Variants in MYT1L observed in about 807,000 individuals in gnomAD.
MYT1L encodes myelin transcription factor 1-like protein.
A neutral mutation model predicts 126.7 loss-of-function variants in MYT1L; 12 were observed. The ratio of observed to expected loss-of-function variants is 0.09; its 90% CI spans 0.06 to 0.15. The LOEUF (loss-of-function observed/expected upper bound fraction) is 0.15, where lower values mean the gene tolerates loss of function less well. Ranked by LOEUF, MYT1L falls within the 10% of genes least tolerant of loss-of-function variation. MYT1L has a pLI of 1.00. For synonymous variants in MYT1L, 541 were observed against 604.2 expected (o/e 0.90, Z 1.53); for missense variants, 979 against 1,585.2 (o/e 0.62, Z 6.49).
chr2:1,875,595 C>G (rs147491535), intron 18 of MYT1L, among the ~76,000 whole-genome samples: 3,511 of 152,282 alleles, frequency 0.023, 70 homozygotes, highest in South Asian at 0.05. Context: ...AGTTTCCCTC[C>G]CGGCCTCACT....
At chr2:2,265,255 G>A (rs113152352) in intron 2 of MYT1L, among the ~76,000 whole-genome samples, 8 of 151,852 alleles carry the variant, frequency 5.3e-5, no homozygotes, top group Admixed American at 3.3e-4. Flanking sequence ...TGATCCACCC[G>A]CCTCGGTCTC....
At chr2:2,301,629 G>A (rs950807906) in intron 1 of MYT1L, among the ~76,000 whole-genome samples, 1 of 151,942 alleles carries the variant, frequency 6.6e-6, no homozygotes, top group East Asian at 1.9e-4. Flanking sequence ...AGGAGTTCGA[G>A]ACCAGCCTGG....
chr2:2,025,976 T>C (rs1195272443), intron 4 of MYT1L, among the ~76,000 whole-genome samples: 1 of 152,176 alleles, frequency 6.6e-6, no homozygotes, highest in Admixed American at 6.5e-5. Flanking sequence ...AAACATCCAG[T>C]GCCAAGTTCT....
chr2:2,101,663 T>C (rs1041590365), intron 3 of MYT1L, among the ~76,000 whole-genome samples: 4 of 151,810 alleles, frequency 2.6e-5, no homozygotes, highest in Non-Finnish European at 5.9e-5. Context: ...CATCCACCCA[T>C]CCACTCATCC....
chr2:2,093,990 C>T (rs995892951), intron 3 of MYT1L, among the ~76,000 whole-genome samples: 3 of 152,182 alleles, frequency 2.0e-5, no homozygotes, highest in Admixed American at 1.3e-4. Flanking sequence ...TGTCAAAGAT[C>T]AGATAGTTGT....
chr2:2,228,138 CATCATCACT>C lies in MYT1L; in HGVS notation c.-420-55159_-420-55151del, dbSNP rs2094061917. Among the ~76,000 whole-genome samples, 1 of 152,284 alleles carries C rather than the reference CATCATCACT, an allele frequency of 6.6e-6. No individual in the cohort carries two copies. Among genetic ancestry groups the C allele is most frequent in the Admixed American group, 6.5e-5 (1 of 15,296 alleles). On this transcript the variant is annotated intron_variant, in intron 2 of 24. Transcript: ENST00000647738. The surrounding 1 kb of genome is among the most constrained non-coding windows in gnomAD (Gnocchi z 5.9). ...ATGCAAGGATTACAGATAATATAAT[CATCATCACT>C]ATCATCAGTATAATCATTACCTACA...
chr2:2,179,634 T>C (rs2148617761), intron 2 of MYT1L, among the ~76,000 whole-genome samples: 1 of 152,294 alleles, frequency 6.6e-6, no homozygotes, highest in South Asian at 2.1e-4. Context: ...GAATCCCAAG[T>C]TCCACAAGCA....
intron 8 of MYT1L, among the ~76,000 whole-genome samples, chr2:1,977,057 G>C (rs909046876): frequency 1.3e-5 from 2 of 152,298 alleles, no homozygotes; most frequent in East Asian, 3.9e-4. Context: ...AGATAACTGA[G>C]TGCATTAAAA....
intron 3 of MYT1L, among the ~76,000 whole-genome samples, chr2:2,086,300 C>G (rs1049384496): frequency 6.6e-6 from 1 of 152,106 alleles, no homozygotes; most frequent in Non-Finnish European, 1.5e-5. Flanking sequence ...GGCCGTTAAA[C>G]CAATCTGCAT....
At chr2:2,002,113 ACTT>A (rs1294368800) in intron 4 of MYT1L, among the ~76,000 whole-genome samples, 2 of 152,256 alleles carry the variant, frequency 1.3e-5, no homozygotes, top group Admixed American at 6.5e-5. Flanking sequence ...TTTCCATTCT[ACTT>A]CTTTTTATTG....
At chr2:2,045,907 C>CTTAG (rs926696955) in intron 4 of MYT1L, among the ~76,000 whole-genome samples, 1 of 152,134 alleles carries the variant, frequency 6.6e-6, no homozygotes, top group Non-Finnish European at 1.5e-5. Context: ...ATGGGTCTGT[C>CTTAG]TTAGCTACAT....
intron 4 of MYT1L, 50 bp from the exon 5 acceptor site, chr2:1,997,397 C>T (rs929974852): frequency 2.0e-5 from 3 of 152,460 alleles, no homozygotes; most frequent in Non-Finnish European, 4.4e-5. Context: ...TCATCGCCAC[C>T]TTAGGGAGAG....
intron 4 of MYT1L, among the ~76,000 whole-genome samples, chr2:2,042,296 A>AT (rs778377790): frequency 4.6e-5 from 7 of 152,206 alleles, no homozygotes; most frequent in East Asian, 3.9e-4. Context: ...CAACTATGAG[A>AT]TTTTTTACTT....
At chr2:2,296,480 G>A (rs758188722) in intron 1 of MYT1L, among the ~76,000 whole-genome samples, 5 of 151,990 alleles carry the variant, frequency 3.3e-5, no homozygotes, top group African/African-American at 7.3e-5. Context: ...AATTACTATC[G>A]AGATATTTTT....
intron 1 of MYT1L, among the ~76,000 whole-genome samples, chr2:2,294,744 C>T (rs2095647076): frequency 6.6e-6 from 1 of 152,180 alleles, no homozygotes; most frequent in Non-Finnish European, 1.5e-5. Flanking sequence ...TCAGCGGATG[C>T]TCATTTCACC....
chr2:1,950,658 G>A (rs2057665171), intron 8 of MYT1L, among the ~76,000 whole-genome samples: 2 of 152,214 alleles, frequency 1.3e-5, no homozygotes, highest in Admixed American at 1.3e-4. Flanking sequence ...GAGAGACAGA[G>A]GGACCCAGAG....
chr2:2,152,658 T>C (rs2086002321), intron 3 of MYT1L, among the ~76,000 whole-genome samples: 2 of 152,084 alleles, frequency 1.3e-5, no homozygotes, highest in Non-Finnish European at 2.9e-5. Context: ...GCCCCGTGCA[T>C]GGTGTCAAGC....
chr2:2,121,556 G>A (rs1435614210), intron 3 of MYT1L, among the ~76,000 whole-genome samples: 1 of 150,996 alleles, frequency 6.6e-6, no homozygotes, highest in Non-Finnish European at 1.5e-5. Flanking sequence ...GCGTGATCTT[G>A]GCTCACTGCA....
intron 9 of MYT1L, among the ~76,000 whole-genome samples, chr2:1,928,823 G>A (rs1315668572): frequency 6.6e-6 from 1 of 152,106 alleles, no homozygotes; most frequent in Non-Finnish European, 1.5e-5. Context: ...TTCTGATGTG[G>A]AAAGAAGATT....
Sources: allele counts gnomAD v4.1 joint callset (sites outside exome capture counted in the v4.1 genomes callset), GRCh38; gene constraint gnomAD v4.1.1; non-coding constraint Gnocchi (gnomAD v3.1); transcripts MANE v1.5; gene names NCBI Gene and HGNC (gene_info 2026-07-23, HGNC 2026-07-21).